Variants in CAPZB observed in about 807,000 individuals in gnomAD.
CAPZB encodes F-actin-capping protein subunit beta.
A neutral mutation model predicts 38.1 loss-of-function variants in CAPZB; 2 were observed. That is an observed-to-expected ratio of 0.05 (90% CI 0.02 to 0.17). CAPZB has a LOEUF of 0.17. Among genes scored for constraint, CAPZB ranks in the 10% least tolerant of loss-of-function variants. The pLI is 1.00. For synonymous variants in CAPZB, 107 were observed against 127.4 expected, an observed-to-expected ratio of 0.84 and a Z score of 1.08; for missense variants, 161 against 334.2, an observed-to-expected ratio of 0.48 and a Z score of 4.04.
intron 6 of CAPZB, among the ~76,000 whole-genome samples, chr1:19,352,717 G>T (rs757223298): frequency 4.6e-5 from 7 of 152,256 alleles, no homozygotes; most frequent in Admixed American, 2.0e-4. Context: ...CACTGCTGCG[G>T]GAATTTGCCA....
chr1:19,460,282 T>C (rs970705034), intron 1 of CAPZB, among the ~76,000 whole-genome samples: 1 of 152,216 alleles, frequency 6.6e-6, no homozygotes, highest in Non-Finnish European at 1.5e-5. Context: ...TTTTTGTTTG[T>C]TTGTTTTTTT....
At chr1:19,472,729 T>G (rs1482970013) in intron 1 of CAPZB, among the ~76,000 whole-genome samples, 1 of 141,110 alleles carries the variant, frequency 7.1e-6, no homozygotes, top group African/African-American at 2.7e-5. Flanking sequence ...TTTTTTTTTT[T>G]TTTTTTGAGC....
At chr1:19,430,637 C>G (rs2094438826) in intron 1 of CAPZB, among the ~76,000 whole-genome samples, 1 of 152,096 alleles carries the variant, frequency 6.6e-6, no homozygotes, top group Admixed American at 6.5e-5. Flanking sequence ...CTTCTATTTC[C>G]CCTTTAAGGC....
At chr1:19,470,975 C>T (rs1446413893) in intron 1 of CAPZB, among the ~76,000 whole-genome samples, 1 of 152,120 alleles carries the variant, frequency 6.6e-6, no homozygotes, top group Non-Finnish European at 1.5e-5. Flanking sequence ...TGTACAGTGG[C>T]CCCCCTTTAT....
chr1:19,462,141 T>C (rs1247040308), intron 1 of CAPZB, among the ~76,000 whole-genome samples: 1 of 149,702 alleles, frequency 6.7e-6, no homozygotes, highest in Non-Finnish European at 1.5e-5. Context: ...CTGGGCAAGA[T>C]ACCCCATCTC....
chr1:19,394,401 C>A (rs910516965), intron 2 of CAPZB, among the ~76,000 whole-genome samples: 2 of 152,112 alleles, frequency 1.3e-5, no homozygotes, highest in African/African-American at 2.4e-5. Context: ...GTGTAAGAAG[C>A]AATTTCCCAA....
chr1:19,419,205 T>C (rs1391530974), intron 2 of CAPZB, among the ~76,000 whole-genome samples: 1 of 152,200 alleles, frequency 6.6e-6, no homozygotes, highest in African/African-American at 2.4e-5. Flanking sequence ...AACTTTTGCT[T>C]GTTATACCTT....
intron 2 of CAPZB, among the ~76,000 whole-genome samples, chr1:19,390,165 G>A (rs1182555738): frequency 3.3e-5 from 5 of 152,112 alleles, no homozygotes; most frequent in East Asian, 1.9e-4. Context: ...TCTGAACCCC[G>A]GCCCCCGCCC....
At chr1:19,373,447 G>C (rs573519587) in intron 4 of CAPZB, among the ~76,000 whole-genome samples, 26 of 152,294 alleles carry the variant, frequency 1.7e-4, no homozygotes, top group African/African-American at 6.0e-4. Flanking sequence ...CAAAGTCAGA[G>C]CCTTTACAGA....
rs574790740 is a variant in CAPZB at position 19,485,520 on chromosome 1, G to C, written c.-82C>G. 1 of 1,161,332 alleles carries C rather than the reference G, an allele frequency of 8.6e-7. No individual in the cohort carries two copies. The highest frequency in any genetic ancestry group is 1.1e-6 in the Non-Finnish European group (1 of 926,218). 71.9% of individuals were successfully genotyped at this position (1,161,332 alleles called of 1,614,324 possible). A position where few individuals can be genotyped will look rare whatever the true frequency, so the allele number is the denominator to read the frequency against. On this transcript the variant is annotated 5_prime_UTR_variant, in exon 1 of 9. Coordinates refer to ENST00000264202, the MANE Select transcript of CAPZB (RefSeq NM_004930.5). ...CAGGGCCCGGCGCTTCCACTTCCCC[G>C]GGTGCCCAGGAGTGAACATCCGGGT...
intron 1 of CAPZB, among the ~76,000 whole-genome samples, chr1:19,430,577 C>A (rs543276851): frequency 9.3e-4 from 142 of 152,332 alleles, no homozygotes; most frequent in African/African-American, 3.3e-3. Context: ...ATTGGCAAAG[C>A]AGAGTCGCTG....
intron 1 of CAPZB, among the ~76,000 whole-genome samples, chr1:19,465,486 A>G (rs953006662): frequency 2.3e-4 from 35 of 152,248 alleles, no homozygotes; most frequent in Non-Finnish European, 5.9e-5. Flanking sequence ...GAGCCCAAAC[A>G]GACTAAGACA....
At chr1:19,350,241 C>T (rs1423273542) in intron 6 of CAPZB, among the ~76,000 whole-genome samples, 1 of 152,294 alleles carries the variant, frequency 6.6e-6, no homozygotes, top group Admixed American at 6.5e-5. Context: ...GCTGAGGCCC[C>T]GCAGCTCCTG....
intron 2 of CAPZB, 122 bp from the exon 3 acceptor site, chr1:19,385,748 A>G (rs1398636193): frequency 1.8e-6 from 2 of 1,122,004 alleles, no homozygotes; most frequent in Non-Finnish European, 2.7e-6. Context: ...GGGCACTGAG[A>G]CAAAATTATG....
At chr1:19,427,160 T>A (rs1046279385) in intron 1 of CAPZB, among the ~76,000 whole-genome samples, 2 of 152,240 alleles carry the variant, frequency 1.3e-5, no homozygotes, top group Non-Finnish European at 2.9e-5. Flanking sequence ...TAAAACCCAC[T>A]GTTTTTAATT....
intron 1 of CAPZB, among the ~76,000 whole-genome samples, chr1:19,454,827 C>A (rs1250159779): frequency 6.6e-6 from 1 of 152,244 alleles, no homozygotes; most frequent in Non-Finnish European, 1.5e-5. Flanking sequence ...GGTGACACAT[C>A]AGAAAATTAC....
At chr1:19,370,948 T>G (rs907589833) in intron 4 of CAPZB, among the ~76,000 whole-genome samples, 3 of 152,188 alleles carry the variant, frequency 2.0e-5, no homozygotes, top group African/African-American at 7.2e-5. Context: ...GTTCCTGTGT[T>G]GAAACATGGG....
chr1:19,435,182 T>C (rs771614957), intron 1 of CAPZB, among the ~76,000 whole-genome samples: 155 of 152,278 alleles, frequency 1.0e-3, no homozygotes, highest in Non-Finnish European at 1.1e-3. Flanking sequence ...TCTTTACTAG[T>C]GGAAACATTA....
At chr1:19,462,743 A>G (rs2094556198) in intron 1 of CAPZB, among the ~76,000 whole-genome samples, 1 of 152,236 alleles carries the variant, frequency 6.6e-6, no homozygotes, top group Admixed American at 6.5e-5. Flanking sequence ...AGAATTCTTT[A>G]AAGAAAAGTT....
Sources: gnomAD v4.1 joint callset for allele counts (sites outside exome capture counted in the v4.1 genomes callset) on GRCh38, gnomAD v4.1.1 for gene constraint, MANE v1.5 for transcripts, NCBI Gene and HGNC (gene_info 2026-07-23, HGNC 2026-07-21) for gene names.